Variants in TIMM50 observed in about 807,000 individuals in gnomAD.
The protein encoded by TIMM50 is translocase of inner mitochondrial membrane 50.
A neutral mutation model predicts 49.6 loss-of-function variants in TIMM50; 34 were observed. The ratio of observed to expected loss-of-function variants is 0.69; its 90% CI spans 0.52 to 0.91. The LOEUF is 0.91. TIMM50 is among the 40% of genes least tolerant of loss of function. The pLI is 0.00. For synonymous variants in TIMM50, 199 were observed against 198.4 expected, an observed-to-expected ratio of 1.00 and a Z score of -0.03; for missense variants, 458 against 477.8, an observed-to-expected ratio of 0.96 and a Z score of 0.39.
intron 4 of TIMM50, among the ~76,000 whole-genome samples, chr19:39,483,746 T>A (rs974457745): frequency 4.6e-5 from 7 of 152,258 alleles, no homozygotes; most frequent in African/African-American, 1.4e-4. Context: ...TGTAGAATCA[T>A]GCTGGCTTCA....
At chr19:39,483,031 G>A (rs1174139561) in intron 3 of TIMM50, 104 bp from the exon 4 acceptor site, 1 of 1,607,300 alleles carries the variant, frequency 6.2e-7, no homozygotes, top group Admixed American at 1.7e-5. Context: ...CTTTCCCAGT[G>A]ACCTTTGCCT....
chr19:39,488,189 C>T lies in TIMM50; in HGVS notation c.825C>T (p.Val275=), dbSNP rs747234155. The change falls in exon 9 of 11, where the codon GTC becomes GTT. Residue 275 remains valine (V), a synonymous_variant. Transcript: ENST00000607714. ...RPWDGNSDDR[V]LLDLSAFLKT... is the part of the protein sequence containing the mutation. ...GGGACGGCAACTCTGATGACCGGGT[C>T]TTGTTGGATCTGTCTGCCTTCCTCA... 1.9e-6 allele frequency: 3 copies of T among 1,613,510 alleles called. No individual in the cohort carries two copies. Among genetic ancestry groups the T allele is most frequent in the Non-Finnish European group, 2.5e-6 (3 of 1,179,464 alleles).
At chr19:39,487,521 G>A (rs1428380848) in intron 8 of TIMM50, among the ~76,000 whole-genome samples, 25 of 151,852 alleles carry the variant, frequency 1.6e-4, no homozygotes, top group South Asian at 1.2e-3. Context: ...GCAGTGGCGC[G>A]ATCTTGGTTC....
At position 39,488,524 on chromosome 19, in the gene TIMM50, C is replaced by G; in HGVS notation, c.854-15C>G. ...CTTTAGAAGCCTGGCTGACCACCCCCTGTTGTGCCCACAGCCATTGCACTG... is the reference window on the plus strand; with the variant it reads ...CTTTAGAAGCCTGGCTGACCACCCCGTGTTGTGCCCACAGCCATTGCACTG... On this transcript the variant is annotated splice_polypyrimidine_tract_variant and intron_variant, in intron 9 of 10. Coordinates refer to ENST00000607714, the MANE Select transcript of TIMM50 (RefSeq NM_001001563.5). 6.2e-7 allele frequency: 1 copy of G among 1,610,518 alleles called. No homozygotes were observed. The highest frequency in any genetic ancestry group is 1.3e-5 in the African/African-American group (1 of 74,954).
chr19:39,482,049 C>T lies in TIMM50; in HGVS notation c.259+16C>T, dbSNP rs2079476158. The T allele has an allele frequency of 4.4e-6, 7 of 1,608,856 alleles. No individual in the cohort carries two copies. In the East Asian group the frequency reaches 1.6e-4, roughly 36 times the overall value. On this transcript the variant is annotated intron_variant, in intron 2 of 10. Coordinates refer to ENST00000607714, the MANE Select transcript of TIMM50 (RefSeq NM_001001563.5). ...TATATCTTTGGTGAGGGACATATCC[C>T]TGTCCCCCAGTTTTGTTCCTTGGCC...
At chr19:39,488,757 C>G in intron 10 of TIMM50, 112 bp downstream of exon 10, 1 of 781,272 alleles carries the variant, frequency 1.3e-6, no homozygotes, top group Non-Finnish European at 2.2e-6. Context: ...TGAGCAGATA[C>G]CTCCTCTCTG....
rs2079556151 is a variant in TIMM50, at chr19:39,492,882, A to AAAC, written c.*3064_*3065insCAA. ...TAAGGCTCTGTCTCCAAAAAAAAAA[A>AAAC]AAAAAAAAAACAAAAAAAAAACCAG... On this transcript the variant is annotated 3_prime_UTR_variant, in exon 11 of 11. Transcript: ENST00000607714. 1 of 141,230 alleles carries AAAC rather than the reference A, an allele frequency of 7.1e-6. No homozygotes were observed. The highest frequency in any genetic ancestry group is 1.5e-5 in the Non-Finnish European group (1 of 65,208). The allele number at this position is 141,230 out of a possible 1,614,324, so 8.7% of individuals were successfully genotyped here. A position where few individuals can be genotyped will look rare whatever the true frequency, so the allele number is the denominator to read the frequency against.
intron 8 of TIMM50, among the ~76,000 whole-genome samples, chr19:39,487,044 T>C (rs1454332689): frequency 1.3e-5 from 2 of 152,148 alleles, no homozygotes; most frequent in Non-Finnish European, 2.9e-5. Context: ...AGGGTCTGTG[T>C]CTGGGTGCCT....
intron 2 of TIMM50, 100 bp from the exon 3 acceptor site, chr19:39,482,783 CTT>C: frequency 6.5e-7 from 1 of 1,527,144 alleles, no homozygotes; most frequent in South Asian, 1.1e-5. Context: ...GTGCCTCTCT[CTT>C]TCCTCAGATC....
chr19:39,481,061 G>T, intron 1 of TIMM50, 100 bp downstream of exon 1: 2 of 1,381,424 alleles, frequency 1.4e-6, no homozygotes, highest in South Asian at 3.0e-5. Flanking sequence ...TCACCTCAGG[G>T]TGCTGAATGA....
chr19:39,482,795 C>A (rs992857056), intron 2 of TIMM50, 90 bp from the exon 3 acceptor site: 4 of 1,560,830 alleles, frequency 2.6e-6, no homozygotes, highest in African/African-American at 1.4e-5. Flanking sequence ...TTCCTCAGAT[C>A]CAGGAGTCCA....
intron 6 of TIMM50, 72 bp downstream of exon 6, chr19:39,485,879 C>T (rs1568441951): frequency 5.0e-6 from 8 of 1,589,376 alleles, no homozygotes; most frequent in Middle Eastern, 1.7e-4. Context: ...GGACTTTCAG[C>T]CCTGGCTGTG....
At chr19:39,487,701 T>C (rs2079516441) in intron 8 of TIMM50, among the ~76,000 whole-genome samples, 1 of 152,158 alleles carries the variant, frequency 6.6e-6, no homozygotes, top group African/African-American at 2.4e-5. Flanking sequence ...TCAGGCAATC[T>C]GCCCACCTTG....
intron 10 of TIMM50, 59 bp downstream of exon 10, chr19:39,488,704 T>TCAGA: frequency 7.1e-7 from 1 of 1,401,994 alleles, no homozygotes; most frequent in Non-Finnish European, 1.0e-6. Flanking sequence ...AGGAGGAGCC[T>TCAGA]GGGGCAGTCC....
chr19:39,481,078 G>A (rs2079467950), intron 1 of TIMM50, 117 bp downstream of exon 1: 2 of 1,326,464 alleles, frequency 1.5e-6, no homozygotes, highest in Non-Finnish European at 2.0e-6. Flanking sequence ...ATGAAACGCC[G>A]CTTGTGTTTT....
At position 39,486,223 on chromosome 19, in the gene TIMM50, A is replaced by G. The variant is rs1490778626; in HGVS notation, c.529A>G (p.Ile177Val). The change falls in exon 7 of 11, where the codon ATC (isoleucine) becomes GTC (valine). Residue 177 changes from isoleucine to valine, a missense_variant. Physicochemically the swap from Ile to Val is conservative, Grantham distance 29. Transcript: ENST00000607714. ...TGWRFKKRPG[I>V]ETLFQQLAPL... is the part of the protein sequence containing the mutation. ...CTGGAGGTTTAAGAAGCGCCCAGGC[A>G]TCGAGACCTTGTTCCAGCAGCTTGC... 5 of 1,614,202 alleles carry G rather than the reference A, an allele frequency of 3.1e-6. No individual in the cohort carries two copies. The highest frequency in any genetic ancestry group is 1.1e-5 in the South Asian group (1 of 91,082).
chr19:39,487,301 G>A (rs1272247741), intron 8 of TIMM50, among the ~76,000 whole-genome samples: 5 of 152,000 alleles, frequency 3.3e-5, no homozygotes, highest in Non-Finnish European at 7.4e-5. Context: ...ACAGGGTTTT[G>A]CTCTGTCACC....
chr19:39,491,919 A>G lies in TIMM50; in HGVS notation c.*2099A>G, dbSNP rs1002941715. ...CAGGCTGGAGCACAGTGGTGTAACT[A>G]TAGCTCACTGCAGTGTTGAACTTCT... On this transcript the variant is annotated 3_prime_UTR_variant, in exon 11 of 11. Coordinates refer to ENST00000607714, the MANE Select transcript of TIMM50 (RefSeq NM_001001563.5). 6.7e-6 allele frequency: 1 copy of G among 150,314 alleles called. No individual in the cohort carries two copies. Among genetic ancestry groups the G allele is most frequent in the African/African-American group, 2.4e-5 (1 of 40,842 alleles). 9.3% of individuals were successfully genotyped at this position (150,314 alleles called of 1,614,324 possible).
intron 3 of TIMM50, 57 bp downstream of exon 3, chr19:39,482,973 G>A (rs765144975): frequency 2.4e-5 from 39 of 1,613,046 alleles, no homozygotes; most frequent in Non-Finnish European, 3.3e-5. Context: ...GGTGAGAGGG[G>A]TCCCCTTTGG....
Sources: allele counts gnomAD v4.1 joint callset (sites outside exome capture counted in the v4.1 genomes callset), GRCh38; gene constraint gnomAD v4.1.1; transcripts MANE v1.5; gene names NCBI Gene and HGNC (gene_info 2026-07-23, HGNC 2026-07-21).